The following PIK3C2B variants were observed in gnomAD, a reference collection of about 807,000 sequenced individuals.
PIK3C2B encodes phosphatidylinositol-4-phosphate 3-kinase catalytic subunit type 2 beta.
In PIK3C2B, 83 loss-of-function variants were observed where a neutral mutation model predicts 184.3. That is an observed-to-expected ratio of 0.45 (90% CI 0.38 to 0.54). The LOEUF is 0.54. Among genes scored for constraint, PIK3C2B ranks in the 20% least tolerant of loss-of-function variants. PIK3C2B has a pLI of 0.00. For missense variants in PIK3C2B, 1,736 were observed against 2,113.5 expected (o/e 0.82, Z 3.50); for synonymous variants, 779 against 837.6 (o/e 0.93, Z 1.21).
At chr1:204,450,675 G>A (rs1412008747) in intron 12 of PIK3C2B, among the ~76,000 whole-genome samples, 4 of 152,204 alleles carry the variant, frequency 2.6e-5, no homozygotes, top group Admixed American at 6.5e-5. Context: ...GCCAATGGCA[G>A]GGCCAAGAGA....
intron 31 of PIK3C2B, 102 bp downstream of exon 31, chr1:204,427,544 CTG>C (rs1674810681): frequency 1.3e-6 from 1 of 746,494 alleles, no homozygotes; most frequent in Middle Eastern, 2.4e-4. Context: ...GCTCAGTAGA[CTG>C]TGGTGGTTAC....
chr1:204,467,449 G>C (rs1655899560), intron 2 of PIK3C2B: 1 of 154,214 alleles, frequency 6.5e-6, no homozygotes, highest in Admixed American at 6.4e-5. Flanking sequence ...GTTCCCAAAG[G>C]CTAGACACAA....
At chr1:204,465,142 G>T in intron 3 of PIK3C2B, 77 bp downstream of exon 3, 1 of 863,394 alleles carries the variant, frequency 1.2e-6, no homozygotes, top group South Asian at 1.4e-5. Flanking sequence ...CCCTCCTAAA[G>T]AAAGTTTGGA....
chr1:204,446,984 C>T (rs1426561825), intron 15 of PIK3C2B, among the ~76,000 whole-genome samples: 1 of 152,072 alleles, frequency 6.6e-6, no homozygotes, highest in Admixed American at 6.6e-5. Context: ...CCTGGACTCA[C>T]GTACCCCTGA....
At chr1:204,487,256 C>A (rs1000356195) in intron 1 of PIK3C2B, among the ~76,000 whole-genome samples, 2 of 152,248 alleles carry the variant, frequency 1.3e-5, no homozygotes, top group African/African-American at 4.8e-5. Flanking sequence ...CAGGTGCACA[C>A]CACCATGTCT....
At chr1:204,425,974 T>C (rs1236578958) in intron 31 of PIK3C2B, among the ~76,000 whole-genome samples, 1 of 152,256 alleles carries the variant, frequency 6.6e-6, no homozygotes, top group Non-Finnish European at 1.5e-5. Context: ...ATCAAGTCTA[T>C]ACTTTTATCC....
Position 204,425,708 on chromosome 1 carries a change from A to G in PIK3C2B, c.4621T>C (p.Tyr1541His). The stretch of plus-strand genomic sequence containing the variant: ...TCAGGAAGGAGGTAAATTTTCACAT[A>G]GGGGTCAGGGTCATTTCCATCCTGG... ...LLQDGNDPDP[Y>H]VKIYLLPDPQ... is the part of the protein sequence containing the mutation. The change falls in exon 32 of 33, where the codon TAT becomes CAT. Residue 1541 changes from tyrosine (Y) to histidine (H), a missense_variant. Coordinates refer to ENST00000684373, the MANE Select transcript of PIK3C2B (RefSeq NM_001377334.1). 6.2e-7 allele frequency: 1 copy of G among 1,614,010 alleles called. No homozygotes were observed. Among genetic ancestry groups the G allele is most frequent in the South Asian group, 1.1e-5 (1 of 91,082 alleles).
chr1:204,469,301 T>C lies in PIK3C2B; in HGVS notation c.502A>G (p.Thr168Ala). ...PLPPRASIWD[T>A]PPLPPRKGSP... ...CCCTTTCTGGGAGGCAGGGGAGGGG[T>C]ATCCCAGATAGAAGCTCGGGGAGGC... Residue 168 changes from threonine to alanine, a missense_variant, in exon 2 of 33, where the codon ACC becomes GCC. Thr to Ala is a moderately conservative substitution (Grantham distance 58). Around this residue, in one of 8 missense-constraint regions of PIK3C2B, gnomAD observed 404 missense variants for 418.0 expected, o/e 0.97. Transcript: ENST00000684373. 1 of 1,536,904 alleles carries C rather than the reference T, an allele frequency of 6.5e-7. No individual in the cohort carries two copies. Among genetic ancestry groups the C allele is most frequent in the Non-Finnish European group, 8.7e-7 (1 of 1,143,196 alleles).
At chr1:204,425,768 T>C in intron 31 of PIK3C2B, 27 bp from the exon 32 acceptor site, 1 of 1,593,418 alleles carries the variant, frequency 6.3e-7, no homozygotes, top group Non-Finnish European at 8.6e-7. Flanking sequence ...ACCAAAAAAA[T>C]GTTAAGATTT....
chr1:204,427,648 C>T lies in PIK3C2B; in HGVS notation c.4587G>A (p.Leu1529=). 6.2e-7 allele frequency: 1 copy of T among 1,603,788 alleles called. No individual in the cohort carries two copies. The highest frequency in any genetic ancestry group is 8.5e-7 in the Non-Finnish European group (1 of 1,170,772). The change falls in exon 31 of 33, where the codon TTG becomes TTA. Residue 1529 remains leucine, a splice_region_variant and synonymous_variant. Coordinates refer to ENST00000684373, the MANE Select transcript of PIK3C2B (RefSeq NM_001377334.1). ...AAATCACGGCTGTGCAGGCACTTAC[C>T]AAGCCCCGAATATGCATCACCATGA... ...LFIMVMHIRG[L]QLLQDGNDPD...
chr1:204,477,465 C>A (rs1485936193), intron 1 of PIK3C2B, among the ~76,000 whole-genome samples: 1 of 152,222 alleles, frequency 6.6e-6, no homozygotes, highest in African/African-American at 2.4e-5. Flanking sequence ...CACCAGGCAC[C>A]AAACTCAGTC....
At chr1:204,486,809 G>GT (rs1227214776) in intron 1 of PIK3C2B, among the ~76,000 whole-genome samples, 2 of 151,968 alleles carry the variant, frequency 1.3e-5, no homozygotes, top group African/African-American at 2.4e-5. Flanking sequence ...TTTTTGTTTG[G>GT]TTTTTTGTTT....
At chr1:204,449,044 G>T in intron 14 of PIK3C2B, 141 bp downstream of exon 14, 1 of 652,414 alleles carries the variant, frequency 1.5e-6, no homozygotes, top group East Asian at 2.7e-5. Context: ...TATTCCCTCA[G>T]TTGCTTCAGT....
intron 1 of PIK3C2B, chr1:204,489,849 T>C (rs894402712): frequency 5.0e-6 from 2 of 397,656 alleles, no homozygotes; most frequent in East Asian, 7.1e-5. Context: ...AAACTGTAGT[T>C]TTTCCTCAAA....
intron 29 of PIK3C2B, chr1:204,428,875 A>T (rs1343031670): frequency 2.2e-6 from 1 of 455,414 alleles, no homozygotes; most frequent in South Asian, 1.6e-5. Flanking sequence ...GGTGCTAATT[A>T]TATTGTTTCT....
At position 204,464,094 on chromosome 1, in the gene PIK3C2B, A is replaced by G. The variant is rs1208381147; in HGVS notation, c.1228T>C (p.Cys410Arg). 2 of 1,614,128 alleles carry G rather than the reference A, an allele frequency of 1.2e-6. No homozygotes were observed. Among genetic ancestry groups the G allele is most frequent in the South Asian group, 2.2e-5 (2 of 91,076 alleles). The change falls in exon 5 of 33, where the codon TGC becomes CGC. Residue 410 changes from cysteine (C) to arginine (R), a missense_variant. By Grantham distance (180) the Cys-to-Arg change is radical. Transcript: ENST00000684373. Reference sequence around the variant, plus strand: ...TTCCTCAGGTCATCATGGGTGTAGCACAGGGTCTGGTAGATAAGCAAGTCT... The same window carrying G: ...TTCCTCAGGTCATCATGGGTGTAGCGCAGGGTCTGGTAGATAAGCAAGTCT... ...TVDLLIYQTLCYTHDDLRNVD... is the reference protein window; with the variant it reads ...TVDLLIYQTLRYTHDDLRNVD...
rs75152666 is a variant in PIK3C2B at position 204,487,772 on chromosome 1, C to A, written c.-85+6584G>T. Among the ~76,000 whole-genome samples the A allele has an allele frequency of 3.3e-3, 501 of 152,190 alleles. 1 individual carries two copies. The highest frequency in any genetic ancestry group is 0.011 in the African/African-American group (456 of 41,504). On this transcript the variant is annotated intron_variant, in intron 1 of 32. Transcript: ENST00000684373. ...GACTGTATATATATAACTCTTGGGG[C>A]ACCTTATCACAATCGATTCATATTG...
At chr1:204,488,727 C>T (rs1042016102) in intron 1 of PIK3C2B, among the ~76,000 whole-genome samples, 1 of 152,212 alleles carries the variant, frequency 6.6e-6, no homozygotes, top group Non-Finnish European at 1.5e-5. Flanking sequence ...AATTCCTACT[C>T]ATTGTTCAGA....
chr1:204,454,822 C>T (rs759049292), intron 11 of PIK3C2B, 31 bp from the exon 12 acceptor site: 4 of 1,596,450 alleles, frequency 2.5e-6, no homozygotes, highest in Non-Finnish European at 3.4e-6. Context: ...GTCAGGACAC[C>T]CAGCTCCCAA....
Sources: allele counts gnomAD v4.1 joint callset (sites outside exome capture counted in the v4.1 genomes callset), GRCh38; gene constraint gnomAD v4.1.1; regional missense constraint gnomAD v4.1.1; transcripts MANE v1.5; gene names NCBI Gene and HGNC (gene_info 2026-07-23, HGNC 2026-07-21).